COG2: variants seen among roughly 807,000 people sequenced by gnomAD.
COG2 encodes the protein component of oligomeric golgi complex 2.
In COG2, 52 loss-of-function variants were observed where a neutral mutation model predicts 90.6. That is an observed-to-expected ratio of 0.57 (90% confidence interval 0.46 to 0.72). The LOEUF (loss-of-function observed/expected upper bound fraction) is 0.72, where lower values mean the gene tolerates loss of function less well. Ranked by LOEUF, COG2 falls within the 30% of genes least tolerant of loss-of-function variation. COG2 has a pLI of 0.00. For missense variants in COG2, 829 were observed against 891.2 expected (o/e 0.93, Z 0.89); for synonymous variants, 337 against 320.4 (o/e 1.05, Z -0.55).
chr1:230,671,312 C>T (rs1319259532), intron 7 of COG2: 2 of 341,530 alleles, frequency 5.9e-6, no homozygotes, highest in Non-Finnish European at 5.3e-6. Context: ...GTCTCCCCCA[C>T]AGTTGTATCT....
intron 1 of COG2, among the ~76,000 whole-genome samples, chr1:230,652,520 G>C (rs186958793): frequency 2.0e-5 from 3 of 152,190 alleles, no homozygotes; most frequent in Non-Finnish European, 4.4e-5. Flanking sequence ...AAACATTCAC[G>C]TGCAGGTTTT....
chr1:230,652,931 A>G (rs1175247922), intron 1 of COG2, among the ~76,000 whole-genome samples: 6 of 152,200 alleles, frequency 3.9e-5, no homozygotes, highest in Admixed American at 3.9e-4. Context: ...GGTAATGTGT[A>G]TACATTGTGA....
chr1:230,680,282 G>A (rs1246046061), intron 10 of COG2: 2 of 151,974 alleles, frequency 1.3e-5, no homozygotes, highest in Admixed American at 6.6e-5. Flanking sequence ...TGTCGTCCAG[G>A]TTTGGAGTTA....
intron 16 of COG2, among the ~76,000 whole-genome samples, chr1:230,690,907 T>G (rs1320921613): frequency 1.3e-5 from 2 of 152,336 alleles, no homozygotes; most frequent in Non-Finnish European, 2.9e-5. Context: ...ATTGCAAGTA[T>G]TTTGAAGGCA....
At chr1:230,647,312 C>T (rs773041778) in intron 1 of COG2, among the ~76,000 whole-genome samples, 3 of 152,168 alleles carry the variant, frequency 2.0e-5, no homozygotes, top group African/African-American at 7.2e-5. Context: ...ATATCTCCCT[C>T]AGATAAGGGG....
chr1:230,690,004 A>C lies in COG2; in HGVS notation c.1795-10A>C. 1 of 1,573,668 alleles carries C rather than the reference A, an allele frequency of 6.4e-7. No individual in the cohort carries two copies. Among genetic ancestry groups the C allele is most frequent in the Non-Finnish European group, 8.6e-7 (1 of 1,162,878 alleles). ...CTGTGCATCTTTATCTCCTACCATC[A>C]TCATTCCAGGAGGTCCCAACCACAG... On this transcript the variant is annotated splice_polypyrimidine_tract_variant and intron_variant, in intron 15 of 17. Coordinates refer to ENST00000366669, the MANE Select transcript of COG2 (RefSeq NM_007357.3).
intron 10 of COG2, 100 bp from the exon 11 acceptor site, chr1:230,683,474 A>G: frequency 1.2e-6 from 1 of 849,524 alleles, no homozygotes; most frequent in South Asian, 1.4e-5. Context: ...CCAGTGAGTG[A>G]CAGAGGAAGT....
intron 1 of COG2, among the ~76,000 whole-genome samples, chr1:230,656,333 C>T (rs1662050478): frequency 6.6e-6 from 1 of 152,166 alleles, no homozygotes; most frequent in Non-Finnish European, 1.5e-5. Context: ...TTTCAAAGAA[C>T]ATCTTTATTT....
chr1:230,642,950 T>TA, intron 1 of COG2: 1 of 467,800 alleles, frequency 2.1e-6, no homozygotes, highest in East Asian at 3.9e-5. Flanking sequence ...AAGCCACTGT[T>TA]ACCCGTTCCT....
chr1:230,652,696 A>G (rs1661942399), intron 1 of COG2, among the ~76,000 whole-genome samples: 2 of 152,164 alleles, frequency 1.3e-5, no homozygotes. Flanking sequence ...CTTCAGAAGC[A>G]TTTGGTATTG....
chr1:230,661,544 C>G (rs1662178678), intron 3 of COG2: 1 of 152,190 alleles, frequency 6.6e-6, no homozygotes, highest in Admixed American at 6.5e-5. Flanking sequence ...GTTGATTGCA[C>G]CATTATTACC....
chr1:230,659,423 A>G (rs755227647), intron 1 of COG2, 41 bp from the exon 2 acceptor site: 1 of 1,482,988 alleles, frequency 6.7e-7, no homozygotes, highest in Non-Finnish European at 9.4e-7. Flanking sequence ...TCACTGTGAT[A>G]TCATTGCTAT....
At chr1:230,659,334 C>G (rs1662130072) in intron 1 of COG2, 130 bp from the exon 2 acceptor site, 14 of 763,106 alleles carry the variant, frequency 1.8e-5, no homozygotes, top group South Asian at 8.1e-5. Context: ...AGCCAAGATA[C>G]TTTCTTCCTG....
chr1:230,679,013 T>C lies in COG2; in HGVS notation c.1127T>C (p.Phe376Ser). The change falls in exon 10 of 18, where the codon TTC becomes TCC. Residue 376 changes from phenylalanine to serine, a missense_variant. Phe to Ser is a radical substitution (Grantham distance 155, BLOSUM62 -2). Coordinates refer to ENST00000366669, the MANE Select transcript of COG2 (RefSeq NM_007357.3). ...AGAGCCCATCCTGCCTATCACAGCT[T>C]CAATAAGAAGTGGAACTTGCCTGTT... Reference protein sequence around the residue: ...RLRAHPAYHSFNKKWNLPVYF... With the variant: ...RLRAHPAYHSSNKKWNLPVYF... The C allele has an allele frequency of 6.2e-7, 1 of 1,613,598 alleles. No individual in the cohort carries two copies. Among genetic ancestry groups the C allele is most frequent in the Non-Finnish European group, 8.5e-7 (1 of 1,179,568 alleles).
Position 230,693,508 on chromosome 1 carries a change from T to C in COG2, c.*115T>C, listed in dbSNP as rs1663093053. ...GCAACCGTCTGTAGCAAAGAAGTGC[T>C]TCCAGCATCACTCCAGCAACACGCC... On this transcript the variant is annotated 3_prime_UTR_variant, in exon 18 of 18. Transcript: ENST00000366669. 3.1e-6 allele frequency: 2 copies of C among 636,288 alleles called. No homozygotes were observed. The highest frequency in any genetic ancestry group is 5.5e-6 in the Non-Finnish European group (2 of 361,656). The allele number at this position is 636,288 out of a possible 1,614,324, so 39.4% of individuals were successfully genotyped here. A position where few individuals can be genotyped will look rare whatever the true frequency, so the allele number is the denominator to read the frequency against.
chr1:230,674,730 C>G (rs1036635084), intron 8 of COG2, among the ~76,000 whole-genome samples: 1 of 151,938 alleles, frequency 6.6e-6, no homozygotes, highest in Non-Finnish European at 1.5e-5. Flanking sequence ...AAAAGTGTAC[C>G]AAGGTGATTT....
chr1:230,672,418 C>G (rs1486800504), intron 8 of COG2, among the ~76,000 whole-genome samples: 5 of 152,198 alleles, frequency 3.3e-5, no homozygotes, highest in Non-Finnish European at 4.4e-5. Flanking sequence ...TCCCCAGCTC[C>G]CTTGTACTCA....
In COG2 at chr1:230,669,399, G is replaced by A. The variant is rs1465067097; in HGVS notation, c.638G>A (p.Gly213Asp). ...ITAMLQQSLE[G>D]LLLEGLQTSD... ...GCCATGTTACAGCAGTCACTGGAAG[G>A]TCTCCTATTAGAAGGCCTTCAGACG... is the stretch of plus-strand genomic sequence containing the variant. The change falls in exon 7 of 18, where the codon GGT becomes GAT. Residue 213 changes from glycine (G) to aspartate (D), a missense_variant. Coordinates refer to ENST00000366669, the MANE Select transcript of COG2 (RefSeq NM_007357.3). 6 of 1,613,978 alleles carry A rather than the reference G, an allele frequency of 3.7e-6. No homozygotes were observed. The South Asian group carries it at 5.5e-5, about 15-fold the overall frequency.
intron 1 of COG2, among the ~76,000 whole-genome samples, chr1:230,643,664 T>A (rs183712550): frequency 3.3e-5 from 5 of 152,340 alleles, no homozygotes; most frequent in East Asian, 3.9e-4. Flanking sequence ...TGTTTTTTTT[T>A]AAAGTAGATC....
Sources: allele counts gnomAD v4.1 joint callset (sites outside exome capture counted in the v4.1 genomes callset), GRCh38; gene constraint gnomAD v4.1.1; transcripts MANE v1.5; gene names NCBI Gene and HGNC (gene_info 2026-07-23, HGNC 2026-07-21).